Variants in KCNIP4 observed in about 807,000 individuals in gnomAD.
KCNIP4 encodes the protein Kv channel-interacting protein 4.
A neutral mutation model predicts 34.0 loss-of-function variants in KCNIP4; 12 were observed. The ratio of observed to expected loss-of-function variants is 0.35; its 90% CI spans 0.23 to 0.57. KCNIP4 has a LOEUF of 0.57. Among genes scored for constraint, KCNIP4 ranks in the 20% least tolerant of loss-of-function variants. The probability of loss-of-function intolerance (pLI) is 0.83; values close to 1 mark genes in which losing one functional copy is unlikely to be tolerated. For missense variants in KCNIP4, 238 were observed against 311.7 expected (o/e 0.76, Z 1.78); for synonymous variants, 124 against 102.2 (o/e 1.21, Z -1.29).
chr4:21,036,871 T>A (rs1741494593), intron 1 of KCNIP4, among the ~76,000 whole-genome samples: 1 of 152,226 alleles, frequency 6.6e-6, no homozygotes. Context: ...ATAATTAAAC[T>A]AAAAATTTAT....
At chr4:20,935,374 C>T (rs191577216) in intron 1 of KCNIP4, among the ~76,000 whole-genome samples, 34 of 152,220 alleles carry the variant, frequency 2.2e-4, no homozygotes, top group Admixed American at 1.6e-3. Flanking sequence ...AGCTTCCAAG[C>T]GCTTGCCAAA....
intron 1 of KCNIP4, among the ~76,000 whole-genome samples, chr4:21,146,977 G>T (rs1024286753): frequency 1.3e-5 from 2 of 151,992 alleles, no homozygotes; most frequent in African/African-American, 2.4e-5. Context: ...GTATATATAT[G>T]TGGGGGGCAT....
At chr4:21,101,794 A>G (rs540080035) in intron 1 of KCNIP4, among the ~76,000 whole-genome samples, 46 of 152,340 alleles carry the variant, frequency 3.0e-4, no homozygotes, top group African/African-American at 1.1e-3. Context: ...TACTATGTTT[A>G]TTGAAAACCT....
chr4:21,609,781 G>A (rs544593966), intron 1 of KCNIP4, among the ~76,000 whole-genome samples: 1 of 152,320 alleles, frequency 6.6e-6, no homozygotes, highest in South Asian at 2.1e-4. Context: ...GCAAGAACAT[G>A]TAGCGAGCAC....
In KCNIP4 at chr4:21,909,155, A is replaced by G. The variant is rs1443150937; in HGVS notation, c.61+39416T>C. ...TATTACTGGGAGAGAAAAAGAGAAT[A>G]GGACACTATAGAAATAATACACTTT... On this transcript the variant is annotated intron_variant, in intron 1 of 8. Coordinates refer to ENST00000382152, the MANE Select transcript of KCNIP4 (RefSeq NM_025221.6). Among the ~76,000 whole-genome samples, 3 of 152,166 alleles carry G rather than the reference A, an allele frequency of 2.0e-5. No individual in the cohort carries two copies. In the East Asian group the frequency reaches 5.8e-4, roughly 29 times the overall value.
intron 1 of KCNIP4, among the ~76,000 whole-genome samples, chr4:21,560,020 T>C (rs1739386096): frequency 6.6e-6 from 1 of 152,158 alleles, no homozygotes; most frequent in Non-Finnish European, 1.5e-5. Context: ...GATTTTCCCC[T>C]TTGTAATCAG....
chr4:20,882,607 C>G lies in KCNIP4; in HGVS notation c.163+1G>C. On this transcript the variant is annotated splice_donor_variant, in intron 2 of 8. Transcript: ENST00000382152. LOFTEE classifies it high-confidence loss of function. ...AAAAAAAAACAAAAAAACAAACTTG[C>G]TTTGAATAGCAGGAGACGACGTTTT... 1 of 1,608,686 alleles carries G rather than the reference C, an allele frequency of 6.2e-7. No individual in the cohort carries two copies. The highest frequency in any genetic ancestry group is 1.3e-5 in the African/African-American group (1 of 74,790).
intron 1 of KCNIP4, among the ~76,000 whole-genome samples, chr4:21,086,783 C>G (rs902336527): frequency 1.3e-5 from 2 of 152,026 alleles, no homozygotes; most frequent in African/African-American, 2.4e-5. Flanking sequence ...AGTTCTTTCT[C>G]TCTGTTGGTT....
intron 1 of KCNIP4, among the ~76,000 whole-genome samples, chr4:20,911,700 A>G (rs373245824): frequency 1.3e-5 from 2 of 152,286 alleles, no homozygotes; most frequent in East Asian, 3.9e-4. Flanking sequence ...GTTATAAATA[A>G]GTCAGTGTAG....
chr4:20,995,446 G>A (rs1023746934), intron 1 of KCNIP4, among the ~76,000 whole-genome samples: 6 of 152,096 alleles, frequency 3.9e-5, no homozygotes, highest in Admixed American at 1.3e-4. Context: ...GAGGTATTTC[G>A]ATTATTATGC....
intron 1 of KCNIP4, among the ~76,000 whole-genome samples, chr4:21,830,307 C>T (rs1722905267): frequency 6.6e-6 from 1 of 152,028 alleles, no homozygotes; most frequent in African/African-American, 2.4e-5. Flanking sequence ...TATATATGTA[C>T]CCAAAATGAA....
At chr4:20,894,486 C>T (rs1385119726) in intron 1 of KCNIP4, among the ~76,000 whole-genome samples, 1 of 152,144 alleles carries the variant, frequency 6.6e-6, no homozygotes, top group African/African-American at 2.4e-5. Flanking sequence ...CTTTTAATAA[C>T]ATATTTGAAG....
intron 1 of KCNIP4, among the ~76,000 whole-genome samples, chr4:21,625,081 T>A (rs1745234513): frequency 6.6e-6 from 1 of 152,142 alleles, no homozygotes; most frequent in Non-Finnish European, 1.5e-5. Flanking sequence ...AGGGACAAAC[T>A]GAATATTTAA....
intron 1 of KCNIP4, among the ~76,000 whole-genome samples, chr4:21,204,718 T>A (rs1467511357): frequency 6.6e-6 from 1 of 152,164 alleles, no homozygotes; most frequent in Non-Finnish European, 1.5e-5. Context: ...AAGGAAACAT[T>A]GGAAATAGAT....
intron 1 of KCNIP4, among the ~76,000 whole-genome samples, chr4:20,901,148 T>C (rs1727113984): frequency 6.6e-6 from 1 of 152,196 alleles, no homozygotes; most frequent in Non-Finnish European, 1.5e-5. Context: ...TCTTTGTGAG[T>C]GCTTTACAAA....
At chr4:21,128,621 T>C (rs1193183281) in intron 1 of KCNIP4, among the ~76,000 whole-genome samples, 1 of 152,204 alleles carries the variant, frequency 6.6e-6, no homozygotes, top group Non-Finnish European at 1.5e-5. Context: ...TGCCACATAG[T>C]AGGTGATCAA....
intron 1 of KCNIP4, among the ~76,000 whole-genome samples, chr4:21,454,273 C>T (rs1222174015): frequency 6.6e-6 from 1 of 152,106 alleles, no homozygotes; most frequent in Non-Finnish European, 1.5e-5. Flanking sequence ...AACCAGGGAA[C>T]TTTATTGACT....
At chr4:21,330,439 T>C (rs73249551) in intron 1 of KCNIP4, among the ~76,000 whole-genome samples, 1 of 152,182 alleles carries the variant, frequency 6.6e-6, no homozygotes, top group Non-Finnish European at 1.5e-5. Context: ...CATTTATAGT[T>C]ACAGAATTCT....
chr4:21,667,050 T>G (rs569680144), intron 1 of KCNIP4, among the ~76,000 whole-genome samples: 1 of 152,070 alleles, frequency 6.6e-6, no homozygotes, highest in Non-Finnish European at 1.5e-5. Context: ...ACTATAACAT[T>G]AGAAAATCCA....
Sources: gnomAD v4.1 joint callset for allele counts (sites outside exome capture counted in the v4.1 genomes callset) on GRCh38, gnomAD v4.1.1 for gene constraint, MANE v1.5 for transcripts, NCBI Gene and HGNC (gene_info 2026-07-23, HGNC 2026-07-21) for gene names.